The following TMEM132B variants were observed in gnomAD, a reference collection of about 807,000 sequenced individuals.
TMEM132B encodes the protein transmembrane protein 132B.
Under a neutral mutation model 90.8 loss-of-function variants are expected in TMEM132B, and 18 were observed. The ratio of observed to expected loss-of-function variants is 0.20; its 90% CI spans 0.14 to 0.29. TMEM132B has a LOEUF of 0.29. Among genes scored for constraint, TMEM132B ranks in the 10% least tolerant of loss-of-function variants. The pLI, the probability that TMEM132B is intolerant of heterozygous loss-of-function variation, is 1.00. For missense variants in TMEM132B, 1,096 were observed against 1,326.8 expected (o/e 0.83, Z 2.70); for synonymous variants, 504 against 523.3 (o/e 0.96, Z 0.50).
At chr12:125,597,525 G>A (rs554690164) in intron 5 of TMEM132B, among the ~76,000 whole-genome samples, 1 of 152,344 alleles carries the variant, frequency 6.6e-6, no homozygotes, top group Admixed American at 6.5e-5. Flanking sequence ...ATCAGCATGA[G>A]CAAGCAGGCA....
chr12:125,616,405 A>C (rs978964563), intron 5 of TMEM132B, among the ~76,000 whole-genome samples: 1 of 152,142 alleles, frequency 6.6e-6, no homozygotes, highest in Non-Finnish European at 1.5e-5. Context: ...CCTGGCTGGC[A>C]AAGGTGGTCT....
chr12:125,194,273 G>C (rs554709439), intron 1 of TMEM132B, among the ~76,000 whole-genome samples: 154 of 152,174 alleles, frequency 1.0e-3, no homozygotes, highest in African/African-American at 3.5e-3. Flanking sequence ...CCCGTTGGTG[G>C]GGGGGTCTTA....
intron 3 of TMEM132B, among the ~76,000 whole-genome samples, chr12:125,516,101 A>G (rs1176756307): frequency 6.6e-6 from 1 of 151,290 alleles, no homozygotes; most frequent in Admixed American, 6.6e-5. Context: ...ACACACTAAC[A>G]CACACTATCA....
At chr12:125,429,604 T>A (rs1490310830) in intron 3 of TMEM132B, among the ~76,000 whole-genome samples, 1 of 152,158 alleles carries the variant, frequency 6.6e-6, no homozygotes, top group African/African-American at 2.4e-5. Flanking sequence ...CTTTCCTGTT[T>A]TAGATGACCT....
At chr12:125,632,290 A>G (rs1019417783) in intron 5 of TMEM132B, among the ~76,000 whole-genome samples, 4 of 149,362 alleles carry the variant, frequency 2.7e-5, no homozygotes, top group African/African-American at 4.9e-5. Context: ...ACACATTAAC[A>G]TCATCCCCCC....
rs12369394 is a variant in TMEM132B at position 125,277,906 on chromosome 12, G to A, written c.68-71546G>A. ...AATCAGATCTATTCACAGAGGGCCA[G>A]CATTCTCCGATGGGAAAAGTCTGGA... On this transcript the variant is annotated intron_variant, in intron 1 of 8. Transcript: ENST00000682704. This position sits in a 1 kb window ranked among gnomAD's most constrained non-coding sequence, Gnocchi z 4.3. Among the ~76,000 whole-genome samples, 33,402 of 152,150 alleles carry A rather than the reference G, an allele frequency of 0.22. 6,004 individuals carry two copies. The highest frequency in any genetic ancestry group is 0.5 in the African/African-American group (20,537 of 41,456).
At chr12:125,359,111 C>T (rs79798235) in intron 2 of TMEM132B, among the ~76,000 whole-genome samples, 1,752 of 152,262 alleles carry the variant, frequency 0.012, 37 homozygotes, top group African/African-American at 0.039. Context: ...AAAACAGGAT[C>T]GAGCACATGG....
Position 125,350,282 on chromosome 12 carries a change from G to T in TMEM132B, c.898G>T (p.Asp300Tyr). The change falls in exon 2 of 9, where the codon GAC becomes TAC. Residue 300 changes from aspartate to tyrosine, a missense_variant. Transcript: ENST00000682704. ...SVPLNLVREG[D>Y]TATFLVSLTS... is the part of the protein sequence containing the mutation. ...ACCTCTGAATCTAGTCCGGGAAGGG[G>T]ACACGGCCACCTTTTTGGTCTCTCT... The T allele has an allele frequency of 6.2e-7, 1 of 1,613,954 alleles. No homozygotes were observed. Among genetic ancestry groups the T allele is most frequent in the Non-Finnish European group, 8.5e-7 (1 of 1,180,038 alleles).
chr12:125,619,021 C>A (rs1886056911), intron 5 of TMEM132B, among the ~76,000 whole-genome samples: 2 of 152,092 alleles, frequency 1.3e-5, no homozygotes, highest in Non-Finnish European at 2.9e-5. Flanking sequence ...TCCTGGCTGA[C>A]CTTGAAAATT....
At chr12:125,273,302 A>G (rs1874897640) in intron 1 of TMEM132B, among the ~76,000 whole-genome samples, 1 of 152,204 alleles carries the variant, frequency 6.6e-6, no homozygotes, top group Non-Finnish European at 1.5e-5. Context: ...GTTAAGAAAA[A>G]CAGGCCGGGT....
At chr12:125,542,231 T>C (rs1883977923) in intron 4 of TMEM132B, among the ~76,000 whole-genome samples, 1 of 152,156 alleles carries the variant, frequency 6.6e-6, no homozygotes. Flanking sequence ...ATGTTGCTGC[T>C]CAACAATGTC....
At chr12:125,423,054 A>G (rs1211721797) in intron 3 of TMEM132B, among the ~76,000 whole-genome samples, 1 of 152,188 alleles carries the variant, frequency 6.6e-6, no homozygotes, top group Non-Finnish European at 1.5e-5. Flanking sequence ...ACAGTCCTGG[A>G]TGCAGATTCC....
chr12:125,616,823 T>A (rs1413088651), intron 5 of TMEM132B, among the ~76,000 whole-genome samples: 3 of 152,158 alleles, frequency 2.0e-5, no homozygotes, highest in Non-Finnish European at 4.4e-5. Flanking sequence ...AGATTAGTCA[T>A]GAGGATGGGA....
chr12:125,421,252 A>C (rs1880157073), intron 3 of TMEM132B, among the ~76,000 whole-genome samples: 1 of 152,222 alleles, frequency 6.6e-6, no homozygotes, highest in Admixed American at 6.5e-5. Flanking sequence ...TTACTGTATT[A>C]GTCTCTTCTC....
intron 1 of TMEM132B, among the ~76,000 whole-genome samples, chr12:125,295,542 GAC>G (rs1491310210): frequency 1.4e-4 from 19 of 139,752 alleles, no homozygotes; most frequent in African/African-American, 3.7e-4. Context: ...GAGAGAGAGA[GAC>G]AGAGACAGAG....
At chr12:125,532,951 C>T (rs532911146) in intron 4 of TMEM132B, among the ~76,000 whole-genome samples, 98 of 152,252 alleles carry the variant, frequency 6.4e-4, no homozygotes, top group African/African-American at 2.2e-3. Context: ...TTGGGTTGCC[C>T]GCTGCAAGCC....
chr12:125,264,337 G>A (rs1193802415), intron 1 of TMEM132B, among the ~76,000 whole-genome samples: 1 of 152,152 alleles, frequency 6.6e-6, no homozygotes, highest in African/African-American at 2.4e-5. Context: ...AGTCCCATTT[G>A]TCTTATAAAG....
At chr12:125,575,078 A>ATATATATATATATATATATATATAT (rs1311570495) in intron 4 of TMEM132B, among the ~76,000 whole-genome samples, 1 of 108,962 alleles carries the variant, frequency 9.2e-6, no homozygotes, top group African/African-American at 3.4e-5. Flanking sequence ...ATATATATAT[A>ATATATATATATATATATATATATAT]TATATTCAGG....
chr12:125,594,365 G>A (rs748660906), intron 5 of TMEM132B, among the ~76,000 whole-genome samples: 20 of 152,200 alleles, frequency 1.3e-4, no homozygotes, highest in Admixed American at 7.9e-4. Context: ...AAACATTGAA[G>A]CCAGCCTTTG....
Sources: gnomAD v4.1 joint callset for allele counts (sites outside exome capture counted in the v4.1 genomes callset) on GRCh38, gnomAD v4.1.1 for gene constraint, Gnocchi (gnomAD v3.1) non-coding constraint, MANE v1.5 for transcripts, NCBI Gene and HGNC (gene_info 2026-07-23, HGNC 2026-07-21) for gene names.